MYO5B: variants seen among roughly 807,000 people sequenced by gnomAD.
MYO5B encodes the protein unconventional myosin-Vb.
A neutral mutation model predicts 229.3 loss-of-function variants in MYO5B; 143 were observed. That is an observed-to-expected ratio of 0.62 (90% CI 0.54 to 0.72). The LOEUF (loss-of-function observed/expected upper bound fraction) is 0.72, where lower values mean the gene tolerates loss of function less well. Ranked by LOEUF, MYO5B falls within the 30% of genes least tolerant of loss-of-function variation. The pLI is 0.00. For missense variants in MYO5B, 2,321 were observed against 2,331.0 expected, an observed-to-expected ratio of 1.00 and a Z score of 0.09; for synonymous variants, 918 against 885.2, an observed-to-expected ratio of 1.04 and a Z score of -0.66.
intron 2 of MYO5B, among the ~76,000 whole-genome samples, chr18:50,045,176 G>C (rs558993873): frequency 2.0e-5 from 3 of 152,270 alleles, no homozygotes; most frequent in African/African-American, 7.2e-5. Context: ...ATGTACCCTG[G>C]AATATTTAGG....
chr18:49,881,142 T>C (rs913873604), intron 22 of MYO5B, among the ~76,000 whole-genome samples: 1 of 152,226 alleles, frequency 6.6e-6, no homozygotes, highest in Non-Finnish European at 1.5e-5. Flanking sequence ...TATTCCCACA[T>C]TCATCCCCTT....
chr18:49,989,211 A>G lies in MYO5B; in HGVS notation c.838+1228T>C, dbSNP rs1174741538. ...CTAAGTTGCATGGTACAAGCATTGA[A>G]GATACAGGGATTCATAAGCAAGTGT... On this transcript the variant is annotated intron_variant, in intron 7 of 39. Coordinates refer to ENST00000285039, the MANE Select transcript of MYO5B (RefSeq NM_001080467.3). 3.3e-5 allele frequency among the ~76,000 whole-genome samples: 5 copies of G among 152,206 alleles called. No homozygotes were observed. In the East Asian group the frequency reaches 9.6e-4, roughly 29 times the overall value.
intron 22 of MYO5B, among the ~76,000 whole-genome samples, chr18:49,885,106 G>A (rs1201985966): frequency 6.6e-6 from 1 of 152,176 alleles, no homozygotes; most frequent in Non-Finnish European, 1.5e-5. Context: ...GAGTTGCCAT[G>A]TGACCCAGGA....
intron 1 of MYO5B, among the ~76,000 whole-genome samples, chr18:50,171,035 A>G (rs1414034475): frequency 7.9e-6 from 1 of 126,694 alleles, no homozygotes; most frequent in Non-Finnish European, 1.7e-5. Context: ...GCATCCCCTC[A>G]GCTAGTATTT....
intron 2 of MYO5B, among the ~76,000 whole-genome samples, chr18:50,043,653 A>G (rs1476573695): frequency 7.2e-6 from 1 of 138,530 alleles, no homozygotes; most frequent in African/African-American, 2.7e-5. Flanking sequence ...ATTTATAAAT[A>G]TGTAAATATA....
chr18:49,862,337 G>T (rs548283540), intron 29 of MYO5B, among the ~76,000 whole-genome samples: 1 of 152,264 alleles, frequency 6.6e-6, no homozygotes, highest in African/African-American at 2.4e-5. Flanking sequence ...GGGGCATGAG[G>T]AAGCAGATGA....
intron 39 of MYO5B, among the ~76,000 whole-genome samples, chr18:49,833,602 A>G (rs942741122): frequency 2.6e-5 from 4 of 152,310 alleles, no homozygotes. Flanking sequence ...GATGTGGCAT[A>G]TATTTTTTAA....
intron 1 of MYO5B, among the ~76,000 whole-genome samples, chr18:50,182,600 C>T (rs539393543): frequency 1.7e-4 from 26 of 152,322 alleles, no homozygotes; most frequent in African/African-American, 5.8e-4. Context: ...TACATTCACA[C>T]CTTGTGCTAA....
At position 49,990,470 on chromosome 18, in the gene MYO5B, G is replaced by C. The variant is rs370357903; in HGVS notation, c.807C>G (p.Ala269=). The C allele has an allele frequency of 3.7e-6, 6 of 1,613,876 alleles. No individual in the cohort carries two copies. Residue 269 remains alanine, a synonymous_variant, in exon 7 of 40, where the codon GCC becomes GCG. Transcript: ENST00000285039. ...CAAGCTCTTTAAATTCTGGAAGACCGGCAGCAGCACAGAGCTGGTAAAAGA... is the reference window on the plus strand; with the variant it reads ...CAAGCTCTTTAAATTCTGGAAGACCCGCAGCAGCACAGAGCTGGTAAAAGA... The part of the protein sequence containing the change: ...YHIFYQLCAA[A]GLPEFKELAL...
At chr18:50,105,735 G>A (rs1387870916) in intron 1 of MYO5B, among the ~76,000 whole-genome samples, 2 of 151,864 alleles carry the variant, frequency 1.3e-5, no homozygotes, top group African/African-American at 4.8e-5. Flanking sequence ...GAAAACCACT[G>A]CTCTAGAACA....
intron 4 of MYO5B, among the ~76,000 whole-genome samples, chr18:50,021,428 C>G (rs866324165): frequency 1.3e-5 from 2 of 152,170 alleles, no homozygotes; most frequent in African/African-American, 2.4e-5. Context: ...CATCACTCTA[C>G]CTCTCAGGGC....
intron 6 of MYO5B, among the ~76,000 whole-genome samples, chr18:49,991,498 G>C (rs1568061708): frequency 6.6e-6 from 1 of 152,170 alleles, no homozygotes; most frequent in Non-Finnish European, 1.5e-5. Context: ...GCCCACTAAA[G>C]TCAGGATGGA....
chr18:50,115,417 C>A (rs1280277745), intron 1 of MYO5B, among the ~76,000 whole-genome samples: 1 of 152,198 alleles, frequency 6.6e-6, no homozygotes, highest in Non-Finnish European at 1.5e-5. Context: ...CTCTCCCTTC[C>A]TGCAGAACTT....
At chr18:49,853,670 G>C (rs1394842990) in intron 30 of MYO5B, 23 bp from the exon 31 acceptor site, 1 of 1,606,248 alleles carries the variant, frequency 6.2e-7, no homozygotes, top group East Asian at 2.2e-5. Context: ...GAGGACAGGT[G>C]AGCACGTGGC....
At chr18:50,152,864 T>A (rs1464699681) in intron 1 of MYO5B, among the ~76,000 whole-genome samples, 40 of 125,368 alleles carry the variant, frequency 3.2e-4, no homozygotes, top group African/African-American at 8.2e-4. Flanking sequence ...TTCTCAAAAC[T>A]AAAAAAAAAA....
intron 10 of MYO5B, among the ~76,000 whole-genome samples, chr18:49,966,646 A>G (rs2025629270): frequency 6.6e-6 from 1 of 152,266 alleles, no homozygotes; most frequent in Non-Finnish European, 1.5e-5. Flanking sequence ...TAAGCTCCAC[A>G]GAGGATTTAA....
intron 20 of MYO5B, 124 bp downstream of exon 20, chr18:49,904,548 G>A: frequency 3.4e-6 from 4 of 1,171,646 alleles, no homozygotes; most frequent in East Asian, 2.4e-5. Context: ...GGTGAGAGCA[G>A]AGATGTGAAA....
chr18:49,929,582 C>A lies in MYO5B; in HGVS notation c.2020G>T (p.Ala674Ser), dbSNP rs777222341. 2.7e-5 allele frequency: 43 copies of A among 1,597,626 alleles called. No homozygotes were observed. In the South Asian group the frequency reaches 4.3e-4, roughly 16 times the overall value. ...CCGCAGGCTCTGAGTTGCTGCACTGCTCTCTTTGGGTCAAAGCTGCCAAAG... is the reference window on the plus strand; with the variant it reads ...CCGCAGGCTCTGAGTTGCTGCACTGATCTCTTTGGGTCAAAGCTGCCAAAG... ...KLPFHFDPKR[A>S]VQQLRACGVL... Residue 674 changes from alanine to serine, a missense_variant, in exon 17 of 40, where the codon GCA (alanine) becomes TCA (serine). Around this residue, in one of 2 missense-constraint regions of MYO5B, gnomAD observed 2,113 missense variants for 2,044.7 expected, o/e 1.03. Coordinates refer to ENST00000285039, the MANE Select transcript of MYO5B (RefSeq NM_001080467.3).
intron 1 of MYO5B, among the ~76,000 whole-genome samples, chr18:50,056,607 G>A (rs1027631842): frequency 6.6e-6 from 1 of 152,168 alleles, no homozygotes; most frequent in Non-Finnish European, 1.5e-5. Flanking sequence ...ACATGTGCTT[G>A]GGTCAGTATC....
Sources: gnomAD v4.1 joint callset for allele counts (sites outside exome capture counted in the v4.1 genomes callset) on GRCh38, gnomAD v4.1.1 for gene constraint, gnomAD v4.1.1 regional missense constraint, MANE v1.5 for transcripts, NCBI Gene and HGNC (gene_info 2026-07-23, HGNC 2026-07-21) for gene names.